Variants in PEAK1 observed in about 807,000 individuals in gnomAD.
PEAK1 encodes pseudopodium enriched atypical kinase 1.
Under a neutral mutation model 124.7 loss-of-function variants are expected in PEAK1, and 54 were observed. The ratio of observed to expected loss-of-function variants is 0.43; its 90% CI spans 0.35 to 0.54. The LOEUF (loss-of-function observed/expected upper bound fraction) is 0.54. Among genes scored for constraint, PEAK1 ranks in the 20% least tolerant of loss-of-function variants. The pLI, the probability that PEAK1 is intolerant of heterozygous loss-of-function variation, is 0.01. For missense variants in PEAK1, 2,046 were observed against 2,134.5 expected (o/e 0.96, Z 0.82); for synonymous variants, 719 against 760.0 (o/e 0.95, Z 0.89).
At chr15:77,246,370 T>C (rs2060588584) in intron 6 of PEAK1, among the ~76,000 whole-genome samples, 1 of 152,054 alleles carries the variant, frequency 6.6e-6, no homozygotes, top group African/African-American at 2.4e-5. Context: ...GCTGACATCT[T>C]AATATTGACT....
chr15:77,201,498 A>G (rs546820521), intron 6 of PEAK1, among the ~76,000 whole-genome samples: 2 of 152,050 alleles, frequency 1.3e-5, no homozygotes, highest in South Asian at 2.1e-4. Context: ...TCGGCCTCCC[A>G]AAGTACTGGG....
At chr15:77,382,238 T>A (rs1670564311) in intron 1 of PEAK1, among the ~76,000 whole-genome samples, 2 of 152,202 alleles carry the variant, frequency 1.3e-5, no homozygotes, top group South Asian at 4.1e-4. Context: ...GGCAAAGTTC[T>A]GACTTGACAG....
At chr15:77,132,980 C>T (rs1303346579) in intron 9 of PEAK1, 25 bp downstream of exon 9, 35 of 1,583,752 alleles carry the variant, frequency 2.2e-5, no homozygotes, top group Non-Finnish European at 2.8e-5. Flanking sequence ...TAAGACTTAA[C>T]ATGAGATTTA....
intron 1 of PEAK1, among the ~76,000 whole-genome samples, chr15:77,371,896 A>G (rs1484198720): frequency 6.6e-6 from 1 of 152,256 alleles, no homozygotes; most frequent in South Asian, 2.1e-4. Context: ...AAAAATAAAT[A>G]AAACTAAAAA....
intron 6 of PEAK1, among the ~76,000 whole-genome samples, chr15:77,251,323 A>C (rs2060871778): frequency 6.6e-6 from 1 of 152,208 alleles, no homozygotes; most frequent in South Asian, 2.1e-4. Flanking sequence ...TAGTATTTTC[A>C]ATTTCACAAG....
At chr15:77,128,912 T>C (rs1158470616) in intron 9 of PEAK1, among the ~76,000 whole-genome samples, 1 of 152,198 alleles carries the variant, frequency 6.6e-6, no homozygotes. Flanking sequence ...TTGCATGCTA[T>C]AAGGACAGAT....
rs2051129234 is a variant in PEAK1 at position 77,113,901 on chromosome 15, T to C, written c.*255A>G. 1 of 496,756 alleles carries C rather than the reference T, an allele frequency of 2.0e-6. No homozygotes were observed. Among genetic ancestry groups the C allele is most frequent in the Non-Finnish European group, 3.6e-6 (1 of 279,674 alleles). The allele number at this position is 496,756 out of a possible 1,614,324, so 30.8% of individuals were successfully genotyped here. A position where few individuals can be genotyped will look rare whatever the true frequency, so the allele number is the denominator to read the frequency against. On this transcript the variant is annotated 3_prime_UTR_variant, in exon 10 of 10. Coordinates refer to ENST00000682557, the MANE Select transcript of PEAK1 (RefSeq NM_001385026.1). ...ATTTTTACCTGCATTTATGGGACTA[T>C]TAGGATAGAAGGTGTTTCAAGGGAA... is the stretch of plus-strand genomic sequence containing the variant.
At chr15:77,420,875 A>G, upstream of PEAK1, 1 of 398,804 alleles carries the variant, frequency 2.5e-6, no homozygotes, top group Non-Finnish European at 4.4e-6. Context: ...GTGCTGCGGA[A>G]GAATTTTTGT....
intron 1 of PEAK1, among the ~76,000 whole-genome samples, chr15:77,367,281 C>G (rs1362998719): frequency 6.6e-6 from 1 of 152,172 alleles, no homozygotes; most frequent in Non-Finnish European, 1.5e-5. Flanking sequence ...TCTGTACTGT[C>G]TACTCAATTT....
At chr15:77,230,507 G>C (rs910109510) in intron 6 of PEAK1, among the ~76,000 whole-genome samples, 2 of 152,102 alleles carry the variant, frequency 1.3e-5, no homozygotes, top group South Asian at 4.1e-4. Context: ...CCTGAGGGGA[G>C]TCTTAATGAG....
intron 6 of PEAK1, among the ~76,000 whole-genome samples, chr15:77,248,392 C>G (rs767501786): frequency 6.6e-6 from 1 of 152,152 alleles, no homozygotes; most frequent in Non-Finnish European, 1.5e-5. Flanking sequence ...AATCCGTATT[C>G]CGTTGAATGA....
At chr15:77,201,087 A>T (rs752086469) in intron 6 of PEAK1, among the ~76,000 whole-genome samples, 6 of 152,090 alleles carry the variant, frequency 3.9e-5, no homozygotes, top group Non-Finnish European at 8.8e-5. Context: ...TAAATGCATC[A>T]AGTTGAGTTC....
chr15:77,336,671 T>A (rs573020032), intron 2 of PEAK1: 2 of 386,864 alleles, frequency 5.2e-6, no homozygotes, highest in Admixed American at 1.3e-4. Flanking sequence ...TTCTTGATTA[T>A]ATACCTCTAT....
chr15:77,240,656 T>C (rs954514944), intron 6 of PEAK1, among the ~76,000 whole-genome samples: 2 of 152,122 alleles, frequency 1.3e-5, no homozygotes, highest in African/African-American at 4.8e-5. Flanking sequence ...CAATATGGCC[T>C]CAGTTTTAAA....
chr15:77,348,971 T>C (rs2067042930), intron 2 of PEAK1: 1 of 942,664 alleles, frequency 1.1e-6, no homozygotes, highest in East Asian at 1.2e-4. Context: ...ATTTAAAGCC[T>C]TTCTTACTTA....
intron 2 of PEAK1, among the ~76,000 whole-genome samples, chr15:77,325,095 CA>C (rs1420050879): frequency 6.6e-6 from 1 of 152,022 alleles, no homozygotes. Flanking sequence ...GAAACAAAAA[CA>C]AAAAAACAGC....
chr15:77,398,072 AT>A (rs2071048939), intron 1 of PEAK1, among the ~76,000 whole-genome samples: 1 of 152,198 alleles, frequency 6.6e-6, no homozygotes, highest in East Asian at 1.9e-4. Flanking sequence ...TCTCAAAAAA[AT>A]AAATAAAATA....
chr15:77,394,261 G>A lies in PEAK1; in HGVS notation c.-666+25745C>T, dbSNP rs113197666. On this transcript the variant is annotated intron_variant, in intron 1 of 9. Coordinates refer to ENST00000682557, the MANE Select transcript of PEAK1 (RefSeq NM_001385026.1). The stretch of plus-strand genomic sequence containing the variant: ...GGCTTTGCTATCTGCTGATTGTAGA[G>A]TTCTAGTATCTTGAGCAAACATAGG... Among the ~76,000 whole-genome samples the A allele has an allele frequency of 3.2e-4, 49 of 152,318 alleles. 2 individuals are homozygous for A. The highest frequency in any genetic ancestry group is 1.1e-3 in the African/African-American group (46 of 41,564).
At chr15:77,321,781 T>G (rs1241874743) in intron 2 of PEAK1, among the ~76,000 whole-genome samples, 1 of 152,256 alleles carries the variant, frequency 6.6e-6, no homozygotes, top group African/African-American at 2.4e-5. Context: ...AGGGTTTTTA[T>G]GGTTTCAGGT....
Sources: gnomAD v4.1 joint callset for allele counts (sites outside exome capture counted in the v4.1 genomes callset) on GRCh38, gnomAD v4.1.1 for gene constraint, MANE v1.5 for transcripts, NCBI Gene and HGNC (gene_info 2026-07-23, HGNC 2026-07-21) for gene names.